Variants in TAFA1 observed in about 807,000 individuals in gnomAD.
TAFA1 encodes the protein chemokine-like protein TAFA-1.
TAFA1 carries 4 observed loss-of-function variants against 18.5 expected under a neutral mutation model. That is an observed-to-expected ratio of 0.22 (90% confidence interval 0.11 to 0.49). The LOEUF (loss-of-function observed/expected upper bound fraction) is 0.49. TAFA1 is among the 20% of genes least tolerant of loss of function. TAFA1 has a pLI of 0.98. For missense variants in TAFA1, 147 were observed against 169.0 expected (o/e 0.87, Z 0.72); for synonymous variants, 56 against 55.2 (o/e 1.01, Z -0.06).
chr3:68,224,445 T>A (rs1390095048), intron 2 of TAFA1, among the ~76,000 whole-genome samples: 1 of 152,192 alleles, frequency 6.6e-6, no homozygotes, highest in Non-Finnish European at 1.5e-5. Context: ...TGCAACCTAT[T>A]CCGAAGGGCT....
At chr3:68,275,568 G>A (rs2067780067) in intron 2 of TAFA1, among the ~76,000 whole-genome samples, 1 of 151,162 alleles carries the variant, frequency 6.6e-6, no homozygotes, top group African/African-American at 2.4e-5. Flanking sequence ...AAACAGGTAT[G>A]CAAGATAATT....
intron 2 of TAFA1, among the ~76,000 whole-genome samples, chr3:68,030,838 T>C (rs950003115): frequency 4.6e-5 from 7 of 152,122 alleles, no homozygotes; most frequent in Non-Finnish European, 8.8e-5. Context: ...GCCTGAGAGG[T>C]TTCCCAGAAA....
At chr3:68,470,328 C>T (rs959106211) in intron 3 of TAFA1, among the ~76,000 whole-genome samples, 2 of 152,128 alleles carry the variant, frequency 1.3e-5, no homozygotes, top group African/African-American at 2.4e-5. Flanking sequence ...CAGACTAATA[C>T]AGTAAACTGG....
At chr3:68,221,093 A>G (rs1025453243) in intron 2 of TAFA1, among the ~76,000 whole-genome samples, 1 of 152,132 alleles carries the variant, frequency 6.6e-6, no homozygotes, top group Non-Finnish European at 1.5e-5. Context: ...GTAAAGCCTC[A>G]AGACTTCCCT....
intron 3 of TAFA1, among the ~76,000 whole-genome samples, chr3:68,504,665 C>T (rs1559697326): frequency 6.6e-6 from 1 of 152,036 alleles, no homozygotes; most frequent in South Asian, 2.1e-4. Context: ...TTGTACCTCA[C>T]CTTTTTCTTA....
At chr3:68,112,946 A>G (rs1424852959) in intron 2 of TAFA1, among the ~76,000 whole-genome samples, 1 of 152,176 alleles carries the variant, frequency 6.6e-6, no homozygotes, top group African/African-American at 2.4e-5. Flanking sequence ...ATATTCATAG[A>G]CTGGAAGAAA....
At chr3:68,135,920 G>T (rs966227786) in intron 2 of TAFA1, among the ~76,000 whole-genome samples, 12 of 152,030 alleles carry the variant, frequency 7.9e-5, no homozygotes, top group African/African-American at 2.7e-4. Context: ...ATTAAAACCG[G>T]GGAAATTTTG....
At chr3:68,479,241 A>AAAAAAAATATAT (rs1353493315) in intron 3 of TAFA1, among the ~76,000 whole-genome samples, 11 of 123,664 alleles carry the variant, frequency 8.9e-5, no homozygotes, top group African/African-American at 3.6e-4. Flanking sequence ...AAAAAAAAAA[A>AAAAAAAATATAT]ATATATATAT....
At chr3:68,145,482 G>A in intron 2 of TAFA1, 1 of 904,018 alleles carries the variant, frequency 1.1e-6, no homozygotes, top group Non-Finnish European at 1.9e-6. Context: ...TCCACCACAA[G>A]AATGGTTCTG....
At chr3:68,442,899 C>T (rs2071409663) in intron 3 of TAFA1, among the ~76,000 whole-genome samples, 1 of 152,102 alleles carries the variant, frequency 6.6e-6, no homozygotes, top group Admixed American at 6.6e-5. Flanking sequence ...TCCTGTATAC[C>T]TCCACATTCT....
Position 68,043,934 on chromosome 3 carries a change from GA to G in TAFA1, c.118+37193del, listed in dbSNP as rs1705217871. Among the ~76,000 whole-genome samples, 3 of 151,950 alleles carry G rather than the reference GA, an allele frequency of 2.0e-5. No homozygotes were observed. In the South Asian group the frequency reaches 6.2e-4, roughly 31 times the overall value. ...TATGTATACATGTAAAAAATAAAAA[GA>G]AAGAAAAATTCATTTCTGTTTTCTG... On this transcript the variant is annotated intron_variant, in intron 2 of 4. Coordinates refer to ENST00000478136, the MANE Select transcript of TAFA1 (RefSeq NM_213609.4).
chr3:68,209,641 G>A (rs2066571452), intron 2 of TAFA1, among the ~76,000 whole-genome samples: 4 of 152,010 alleles, frequency 2.6e-5, no homozygotes. Flanking sequence ...TTTAGACATT[G>A]ACTCAAAATT....
chr3:68,429,985 T>A lies in TAFA1; in HGVS notation c.259+12565T>A, dbSNP rs143104296. On this transcript the variant is annotated intron_variant, in intron 3 of 4. Coordinates refer to ENST00000478136, the MANE Select transcript of TAFA1 (RefSeq NM_213609.4). Reference sequence around the variant, plus strand: ...ATTCATTCAGCAATTATTTTTGGAGTATTGACTATGTGCCAGGAATTATGC... The same window carrying A: ...ATTCATTCAGCAATTATTTTTGGAGAATTGACTATGTGCCAGGAATTATGC... Among the ~76,000 whole-genome samples the A allele has an allele frequency of 5.9e-5, 9 of 152,010 alleles. No homozygotes were observed. In the East Asian group the frequency reaches 1.7e-3, roughly 29 times the overall value.
intron 2 of TAFA1, among the ~76,000 whole-genome samples, chr3:68,179,681 C>A (rs1009123937): frequency 9.9e-5 from 15 of 152,276 alleles, no homozygotes; most frequent in Admixed American, 3.3e-4. Flanking sequence ...GTAACATCAG[C>A]TAATCTGCCT....
chr3:68,497,261 T>C (rs888371159), intron 3 of TAFA1, among the ~76,000 whole-genome samples: 17 of 152,278 alleles, frequency 1.1e-4, no homozygotes, highest in African/African-American at 3.8e-4. Flanking sequence ...TTAACATATG[T>C]CCACTCATTC....
At chr3:68,191,764 A>G (rs1232353932) in intron 2 of TAFA1, among the ~76,000 whole-genome samples, 2 of 151,820 alleles carry the variant, frequency 1.3e-5, no homozygotes, top group Non-Finnish European at 2.9e-5. Context: ...TAGATTTTGT[A>G]CAAATACAAG....
At chr3:68,178,145 C>T (rs1039145463) in intron 2 of TAFA1, among the ~76,000 whole-genome samples, 1 of 142,792 alleles carries the variant, frequency 7.0e-6, no homozygotes, top group African/African-American at 2.4e-5. Flanking sequence ...CTCCATCCCC[C>T]CCTCCCCAAA....
intron 2 of TAFA1, among the ~76,000 whole-genome samples, chr3:68,206,422 A>G (rs746187020): frequency 6.6e-5 from 10 of 151,884 alleles, no homozygotes; most frequent in Non-Finnish European, 1.5e-4. Context: ...ATTGTCACCT[A>G]CATGGTGATA....
At chr3:68,088,426 C>T (rs1018090569) in intron 2 of TAFA1, among the ~76,000 whole-genome samples, 4 of 152,084 alleles carry the variant, frequency 2.6e-5, no homozygotes, top group African/African-American at 9.7e-5. Context: ...TGGCTGAGAG[C>T]CAGGGATTTT....
Sources: allele counts gnomAD v4.1 joint callset (sites outside exome capture counted in the v4.1 genomes callset), GRCh38; gene constraint gnomAD v4.1.1; transcripts MANE v1.5; gene names NCBI Gene and HGNC (gene_info 2026-07-23, HGNC 2026-07-21).